The following TMPRSS9 variants were observed in gnomAD, a reference collection of about 807,000 sequenced individuals.
TMPRSS9 encodes transmembrane protease serine 9.
TMPRSS9 carries 113 observed loss-of-function variants against 111.4 expected under a neutral mutation model. The ratio of observed to expected loss-of-function variants is 1.01; its 90% confidence interval spans 0.87 to 1.19. The LOEUF is 1.19. TMPRSS9 is among the 50% of genes most tolerant of loss of function. The pLI is 0.00. For synonymous variants in TMPRSS9, 805 were observed against 659.1 expected (o/e 1.22, Z -3.39); for missense variants, 1,803 against 1,513.1 (o/e 1.19, Z -3.18).
chr19:2,384,203 G>A (rs1044747351), intron 1 of TMPRSS9, among the ~76,000 whole-genome samples: 7 of 152,136 alleles, frequency 4.6e-5, no homozygotes, highest in African/African-American at 1.7e-4. Flanking sequence ...ATCATTCTCC[G>A]CCCACGCAGC....
intron 13 of TMPRSS9, among the ~76,000 whole-genome samples, 179 bp downstream of exon 14, chr19:2,418,317 C>CTCT (rs1971317319): frequency 5.0e-5 from 2 of 40,002 alleles, no homozygotes; most frequent in African/African-American, 4.2e-4. Flanking sequence ...TTCCCTCCCT[C>CTCT]CCTCCCTCCC....
chr19:2,376,013 A>G (rs1210156345), intron 1 of TMPRSS9, among the ~76,000 whole-genome samples: 1 of 152,120 alleles, frequency 6.6e-6, no homozygotes, highest in East Asian at 1.9e-4. Context: ...CGAAGTCAGC[A>G]TCGAGTAGCA....
In TMPRSS9 at chr19:2,418,153, G is replaced by A. The variant is rs760884942; in HGVS notation, c.2154+15G>A. On this transcript the variant is annotated intron_variant, in intron 13 of 17. Transcript: ENST00000648592. ...ACTCCTGCCAGGTAAGCATTCAAAG[G>A]GGGAAAGCGGGCAATATTTCCATGA... The A allele has an allele frequency of 5.0e-6, 8 of 1,599,430 alleles. No individual in the cohort carries two copies. In the East Asian group the frequency reaches 1.6e-4, roughly 31 times the overall value.
At chr19:2,371,426 C>T (rs1014214961) in intron 1 of TMPRSS9, among the ~76,000 whole-genome samples, 1 of 152,064 alleles carries the variant, frequency 6.6e-6, no homozygotes, top group Non-Finnish European at 1.5e-5. Flanking sequence ...GCGGCTCACG[C>T]CTGTAATCCC....
At chr19:2,420,283 C>T (rs1971433282) in intron 13 of TMPRSS9, among the ~76,000 whole-genome samples, 1 of 151,960 alleles carries the variant, frequency 6.6e-6, no homozygotes, top group African/African-American at 2.4e-5. Flanking sequence ...TACTAAAAAA[C>T]TACAAGAATT....
chr19:2,399,095 T>G, exon 4 of TMPRSS9: 1 of 1,613,628 alleles, frequency 6.2e-7, no homozygotes, highest in Non-Finnish European at 8.5e-7. Context: ...AGCCTGGGCC[T>G]GGAGGAGGAG....
At chr19:2,421,897 T>C (rs1971469557) in exon 14 of TMPRSS9, 1 of 1,612,348 alleles carries the variant, frequency 6.2e-7, no homozygotes, top group East Asian at 2.2e-5. Context: ...GCCCCTGGCG[T>C]GTTTTATCTG....
chr19:2,385,766 G>A (rs528397405), upstream of TMPRSS9, among the ~76,000 whole-genome samples: 6 of 152,170 alleles, frequency 3.9e-5, no homozygotes, highest in South Asian at 6.2e-4. Flanking sequence ...CAGGAGGATC[G>A]TTTGAGCCTG....
chr19:2,423,584 C>T (rs1971517023), intron 14 of TMPRSS9, among the ~76,000 whole-genome samples: 1 of 152,044 alleles, frequency 6.6e-6, no homozygotes, highest in Admixed American at 6.6e-5. Context: ...GGGACCCCCT[C>T]CATGGGTGGT....
At chr19:2,403,191 C>T (rs1352147791) in exon 6 of TMPRSS9, 2 of 1,605,246 alleles carry the variant, frequency 1.2e-6, no homozygotes, top group Non-Finnish European at 1.7e-6. Flanking sequence ...ACGAGGCGCA[C>T]TGCGGTCAGT....
Position 2,408,990 on chromosome 19 carries a change from AAATAATAAT to A in TMPRSS9, c.1117+394_1117+402del, listed in dbSNP as rs71178274. The stretch of plus-strand genomic sequence containing the variant: ...GGTGACAGTGGGAGGCTCCATCTCA[AAATAATAAT>A]AATAATAATAATAATAATAATAATA... On this transcript the variant is annotated intron_variant, in intron 8 of 17. Coordinates refer to ENST00000648592, the Ensembl canonical transcript of TMPRSS9. Among the ~76,000 whole-genome samples, 82 of 124,992 alleles carry A rather than the reference AAATAATAAT, an allele frequency of 6.6e-4. 1 individual carries two copies. In the South Asian group the frequency reaches 8.3e-3, roughly 13 times the overall value. The allele number at this position is 124,992 out of a possible 152,430, so 82.0% of individuals were successfully genotyped here. A position where few individuals can be genotyped will look rare whatever the true frequency, so the allele number is the denominator to read the frequency against.
chr19:2,392,334 A>G (rs1206549219), intron 1 of TMPRSS9, among the ~76,000 whole-genome samples: 1 of 151,296 alleles, frequency 6.6e-6, no homozygotes, highest in Non-Finnish European at 1.5e-5. Context: ...TGGAGCCTGC[A>G]GTGAGCTATG....
intron 1 of TMPRSS9, among the ~76,000 whole-genome samples, chr19:2,365,180 C>G (rs764981067): frequency 4.6e-5 from 7 of 152,102 alleles, no homozygotes; most frequent in Non-Finnish European, 1.0e-4. Flanking sequence ...TAGTATCACT[C>G]ATGTTTATCG....
exon 10 of TMPRSS9, chr19:2,413,749 T>A: frequency 6.2e-7 from 1 of 1,613,848 alleles, no homozygotes; most frequent in African/African-American, 1.3e-5. Context: ...GGCCGGTTCT[T>A]TCTGGCTGGC....
exon 16 of TMPRSS9, chr19:2,425,187 T>C (rs1449165627): frequency 6.5e-7 from 1 of 1,543,242 alleles, no homozygotes; most frequent in South Asian, 1.2e-5. Flanking sequence ...GTGCGTCCCA[T>C]CTGCCTGCCC....
At chr19:2,407,433 ACGAGGATCACTT>A (rs1443649242) in intron 7 of TMPRSS9, among the ~76,000 whole-genome samples, 113 of 151,742 alleles carry the variant, frequency 7.4e-4, no homozygotes, top group Non-Finnish European at 1.5e-5. Context: ...AGGCTGAGGC[ACGAGGATCACTT>A]GAACCCGGGA....
At chr19:2,369,285 G>C (rs7249452) in intron 1 of TMPRSS9, among the ~76,000 whole-genome samples, 52,854 of 151,980 alleles carry the variant, frequency 0.35, 9,378 homozygotes, top group African/African-American at 0.41. Context: ...ACCTGGGTGA[G>C]TACGAAAGTG....
intron 1 of TMPRSS9, among the ~76,000 whole-genome samples, chr19:2,392,757 A>G (rs544376852): frequency 6.6e-6 from 1 of 152,094 alleles, no homozygotes; most frequent in African/African-American, 2.4e-5. Flanking sequence ...CTCAAGGTTT[A>G]TAAACACACC....
intron 8 of TMPRSS9, among the ~76,000 whole-genome samples, chr19:2,409,242 C>T (rs1188546204): frequency 1.3e-5 from 2 of 149,538 alleles, no homozygotes; most frequent in South Asian, 2.1e-4. Flanking sequence ...CGGGTTCAAG[C>T]GATTCTCTTG....
Sources: allele counts gnomAD v4.1 joint callset (sites outside exome capture counted in the v4.1 genomes callset), GRCh38; gene constraint gnomAD v4.1.1; transcripts MANE v1.5; gene names NCBI Gene and HGNC (gene_info 2026-07-23, HGNC 2026-07-21).